Variants in BNC2 observed in about 807,000 individuals in gnomAD.
The protein encoded by BNC2 is basonuclin zinc finger protein 2, also known as zinc finger protein basonuclin-2.
A neutral mutation model predicts 76.3 loss-of-function variants in BNC2; 20 were observed. The observed-to-expected ratio is 0.26, with a 90% CI of 0.18 to 0.38. The LOEUF is 0.38. Among genes scored for constraint, BNC2 ranks in the 10% least tolerant of loss-of-function variants. The probability of loss-of-function intolerance (pLI) is 1.00; values close to 1 mark genes in which losing one functional copy is unlikely to be tolerated. For synonymous variants in BNC2, 582 were observed against 514.8 expected (o/e 1.13, Z -1.77); for missense variants, 1,382 against 1,399.8 (o/e 0.99, Z 0.20).
At chr9:16,763,776 G>A (rs192618916) in intron 1 of BNC2, among the ~76,000 whole-genome samples, 12 of 152,214 alleles carry the variant, frequency 7.9e-5, no homozygotes, top group African/African-American at 2.9e-4. Flanking sequence ...CATTCATTCT[G>A]CTAAAAATGA....
chr9:16,695,668 T>C (rs980247070), intron 3 of BNC2, among the ~76,000 whole-genome samples: 1 of 151,866 alleles, frequency 6.6e-6, no homozygotes, highest in African/African-American at 2.4e-5. Flanking sequence ...AGCCACATCA[T>C]GTGGCCGCAT....
chr9:16,545,079 C>T (rs1204141185), intron 5 of BNC2, among the ~76,000 whole-genome samples: 1 of 152,164 alleles, frequency 6.6e-6, no homozygotes, highest in East Asian at 1.9e-4. Flanking sequence ...GTCTTTGTTA[C>T]TGCATACTCC....
intron 3 of BNC2, among the ~76,000 whole-genome samples, chr9:16,707,236 A>AT (rs1396486032): frequency 6.7e-6 from 1 of 149,086 alleles, no homozygotes; most frequent in Non-Finnish European, 1.5e-5. Flanking sequence ...TAGACATTTG[A>AT]TTTTTTTCAA....
At chr9:16,757,628 A>C (rs1003056891) in intron 1 of BNC2, among the ~76,000 whole-genome samples, 2 of 134,186 alleles carry the variant, frequency 1.5e-5, no homozygotes, top group African/African-American at 5.2e-5. Context: ...TAGCTAATGA[A>C]AATGTTGACT....
chr9:16,790,037 T>C (rs902965104), intron 1 of BNC2, among the ~76,000 whole-genome samples: 23 of 152,214 alleles, frequency 1.5e-4, no homozygotes, highest in African/African-American at 5.5e-4. Context: ...TCTCGCTCTG[T>C]CGCCTAGGCT....
intron 1 of BNC2, among the ~76,000 whole-genome samples, chr9:16,821,910 G>A (rs932417384): frequency 1.3e-5 from 2 of 151,960 alleles, no homozygotes; most frequent in Admixed American, 6.6e-5. Context: ...TGGCTAACAC[G>A]GTGAAACCCT....
At chr9:16,421,145 A>G (rs913539705) in intron 6 of BNC2, 1 of 486,094 alleles carries the variant, frequency 2.1e-6, no homozygotes, top group Non-Finnish European at 3.1e-6. Context: ...CCTCAGAGAC[A>G]AGAAAGGTGG....
chr9:16,456,638 C>A (rs1214538988), intron 5 of BNC2, among the ~76,000 whole-genome samples: 1 of 152,114 alleles, frequency 6.6e-6, no homozygotes. Flanking sequence ...TGTACTTTCT[C>A]CCCAAATGCT....
Position 16,435,716 on chromosome 9 carries a change from T to C in BNC2, c.2478A>G (p.Leu826=), listed in dbSNP as rs3739715. Residue 826 remains leucine, a synonymous_variant, in exon 6 of 7, where the codon CTA becomes CTG. Transcript: ENST00000380672. ...AGATTTTGGGGTCTGGGCTAGAACA[T>C]AGGTCACCTTCTGGGGAGAACTTTT... ...SPQKFSPEGD[L]CSSPDPKICY... The C allele has an allele frequency of 0.081, 129,965 of 1,613,954 alleles. 5,781 individuals are homozygous for C. Among genetic ancestry groups the C allele is most frequent in the African/African-American group, 0.15 (10,972 of 74,962 alleles).
At chr9:16,588,456 A>G (rs1007752363) in intron 3 of BNC2, among the ~76,000 whole-genome samples, 1 of 152,180 alleles carries the variant, frequency 6.6e-6, no homozygotes, top group African/African-American at 2.4e-5. Context: ...TATGGTTCAG[A>G]AACGTTTATG....
chr9:16,856,578 G>A (rs951890089), intron 1 of BNC2, among the ~76,000 whole-genome samples: 2 of 152,050 alleles, frequency 1.3e-5, no homozygotes, highest in East Asian at 3.9e-4. Context: ...CCAGCCCTTC[G>A]TGTAAATATA....
chr9:16,437,009 G>C lies in BNC2; in HGVS notation c.1185C>G (p.Pro395=), dbSNP rs1238235811. Residue 395 remains proline (P), a synonymous_variant, in exon 6 of 7, where the codon CCC becomes CCG. Coordinates refer to ENST00000380672, the MANE Select transcript of BNC2 (RefSeq NM_017637.6). The stretch of plus-strand genomic sequence containing the variant: ...GAGAGACACAGGCTGGCTCGGTTTT[G>C]GGCTCCACATTAGTAATGCTGGTCA... ...NALTSITNVE[P]KTEPACVSPI... 1 of 1,613,972 alleles carries C rather than the reference G, an allele frequency of 6.2e-7. No homozygotes were observed. The highest frequency in any genetic ancestry group is 1.3e-5 in the African/African-American group (1 of 74,878).
intron 3 of BNC2, among the ~76,000 whole-genome samples, chr9:16,713,140 G>A (rs1357005902): frequency 6.6e-6 from 1 of 152,112 alleles, no homozygotes; most frequent in East Asian, 1.9e-4. Context: ...AGTTTTACAT[G>A]TTCCTTTTCT....
chr9:16,870,097 T>G (rs1158240310), intron 1 of BNC2, among the ~76,000 whole-genome samples: 1 of 152,110 alleles, frequency 6.6e-6, no homozygotes, highest in Non-Finnish European at 1.5e-5. Flanking sequence ...AGATTCCGAA[T>G]GTGAAGACAA....
intron 1 of BNC2, among the ~76,000 whole-genome samples, chr9:16,827,243 C>T (rs1818473031): frequency 6.6e-6 from 1 of 152,202 alleles, no homozygotes; most frequent in African/African-American, 2.4e-5. Flanking sequence ...CAAGGCACCA[C>T]AGTTAATAAT....
intron 1 of BNC2, among the ~76,000 whole-genome samples, chr9:16,834,538 C>A (rs545689568): frequency 6.6e-6 from 1 of 152,310 alleles, no homozygotes; most frequent in South Asian, 2.1e-4. Context: ...TATGCCCAGT[C>A]ACTCTTCTGT....
intron 1 of BNC2, among the ~76,000 whole-genome samples, chr9:16,853,464 C>T (rs1344588223): frequency 5.3e-5 from 8 of 151,596 alleles, no homozygotes; most frequent in South Asian, 4.2e-4. Flanking sequence ...TGATTTTCAA[C>T]GTAACTTTCT....
chr9:16,663,128 C>CTTTTTTTTTTTTTTTTTTTTTT (rs1220327938), intron 3 of BNC2, among the ~76,000 whole-genome samples: 1 of 51,650 alleles, frequency 1.9e-5, no homozygotes, highest in African/African-American at 6.9e-5. Context: ...ACTCTGTTTA[C>CTTTTTTTTTTTTTTTTTTTTTT]TCTTTTTTTT....
At chr9:16,429,036 C>CT (rs1820855147) in intron 6 of BNC2, among the ~76,000 whole-genome samples, 1 of 152,172 alleles carries the variant, frequency 6.6e-6, no homozygotes, top group Admixed American at 6.5e-5. Context: ...CCAAATCCCT[C>CT]TTTTATGACA....
Sources: allele counts gnomAD v4.1 joint callset (sites outside exome capture counted in the v4.1 genomes callset), GRCh38; gene constraint gnomAD v4.1.1; transcripts MANE v1.5; gene names NCBI Gene and HGNC (gene_info 2026-07-23, HGNC 2026-07-21).